Variants in FAM171A1 observed in about 807,000 individuals in gnomAD.
The protein encoded by FAM171A1 is protein FAM171A1.
FAM171A1 carries 23 observed loss-of-function variants against 74.9 expected under a neutral mutation model. The ratio of observed to expected loss-of-function variants is 0.31; its 90% CI spans 0.22 to 0.44. FAM171A1 has a LOEUF of 0.44. Ranked by LOEUF, FAM171A1 falls within the 20% of genes least tolerant of loss-of-function variation. The probability of loss-of-function intolerance (pLI) is 1.00; values close to 1 mark genes in which losing one functional copy is unlikely to be tolerated. For missense variants in FAM171A1, 1,162 were observed against 1,159.2 expected (o/e 1.00, Z -0.03); for synonymous variants, 527 against 505.7 (o/e 1.04, Z -0.57).
chr10:15,301,358 A>ATT (rs200419682), intron 1 of FAM171A1, among the ~76,000 whole-genome samples: 36 of 137,910 alleles, frequency 2.6e-4, no homozygotes, highest in Non-Finnish European at 4.7e-4. Flanking sequence ...ATATATATAT[A>ATT]TATATTTTTT....
chr10:15,269,532 G>C (rs1834794246), intron 3 of FAM171A1, among the ~76,000 whole-genome samples: 2 of 152,130 alleles, frequency 1.3e-5, no homozygotes, highest in Admixed American at 6.6e-5. Context: ...CCTTCTTTGT[G>C]AGCTTTTCTG....
At chr10:15,319,698 G>C (rs1426688594) in intron 1 of FAM171A1, among the ~76,000 whole-genome samples, 2 of 152,170 alleles carry the variant, frequency 1.3e-5, no homozygotes, top group Non-Finnish European at 2.9e-5. Context: ...CTCCCAAAGT[G>C]CTGGGATTAC....
intron 2 of FAM171A1, among the ~76,000 whole-genome samples, chr10:15,279,521 T>A (rs1834939444): frequency 1.4e-5 from 1 of 70,754 alleles, no homozygotes; most frequent in Non-Finnish European, 3.6e-5. Context: ...CCAAGTAGAT[T>A]TTTTTTTTTT....
intron 2 of FAM171A1, among the ~76,000 whole-genome samples, chr10:15,276,871 A>C (rs1226737738): frequency 6.6e-6 from 1 of 152,014 alleles, no homozygotes; most frequent in African/African-American, 2.4e-5. Flanking sequence ...TTTTTTGTAG[A>C]GACAGGGTCT....
chr10:15,219,709 G>C (rs554442793), intron 6 of FAM171A1, among the ~76,000 whole-genome samples: 2 of 152,330 alleles, frequency 1.3e-5, no homozygotes, highest in East Asian at 3.9e-4. Context: ...AGCCTCCCAA[G>C]TAGCTGGGAC....
At chr10:15,308,946 G>A (rs1039244721) in intron 1 of FAM171A1, among the ~76,000 whole-genome samples, 2 of 151,974 alleles carry the variant, frequency 1.3e-5, no homozygotes, top group Non-Finnish European at 2.9e-5. Flanking sequence ...GATTACAGAC[G>A]TGAGCCACTG....
At chr10:15,269,104 TTTTA>T (rs536998136) in intron 3 of FAM171A1, among the ~76,000 whole-genome samples, 11 of 151,902 alleles carry the variant, frequency 7.2e-5, no homozygotes, top group African/African-American at 2.4e-4. Context: ...GCCCATGATT[TTTTA>T]TTTATTTATT....
At chr10:15,293,697 G>A (rs764440230) in intron 1 of FAM171A1, among the ~76,000 whole-genome samples, 2 of 152,188 alleles carry the variant, frequency 1.3e-5, no homozygotes, top group Non-Finnish European at 2.9e-5. Flanking sequence ...GGTATGGTGT[G>A]AACACTGATA....
intron 3 of FAM171A1, among the ~76,000 whole-genome samples, chr10:15,272,453 A>G (rs1834838633): frequency 1.3e-5 from 2 of 152,218 alleles, no homozygotes; most frequent in African/African-American, 4.8e-5. Flanking sequence ...GGAGACTTTA[A>G]CACCCCACTG....
chr10:15,253,456 C>T (rs1834535757), intron 4 of FAM171A1, among the ~76,000 whole-genome samples: 1 of 152,058 alleles, frequency 6.6e-6, no homozygotes, highest in African/African-American at 2.4e-5. Flanking sequence ...TATTTACTGA[C>T]AAGTTAATCA....
intron 1 of FAM171A1, among the ~76,000 whole-genome samples, chr10:15,284,443 G>A (rs1835011353): frequency 6.6e-6 from 1 of 151,122 alleles, no homozygotes; most frequent in Non-Finnish European, 1.5e-5. Context: ...TGTGTGTTTT[G>A]AAACAGTCTC....
intron 1 of FAM171A1, among the ~76,000 whole-genome samples, chr10:15,370,234 ATTTT>A (rs1288902617): frequency 3.9e-5 from 5 of 127,714 alleles, no homozygotes; most frequent in Non-Finnish European, 6.5e-5. Context: ...TCTGGAAAGG[ATTTT>A]TCTTTTTTTT....
At chr10:15,360,314 A>G (rs1229544011) in intron 1 of FAM171A1, among the ~76,000 whole-genome samples, 1 of 152,214 alleles carries the variant, frequency 6.6e-6, no homozygotes, top group Non-Finnish European at 1.5e-5. Flanking sequence ...CTTCTGACCC[A>G]TGTAAATGGT....
intron 1 of FAM171A1, among the ~76,000 whole-genome samples, chr10:15,332,575 A>C (rs1010547961): frequency 1.3e-5 from 2 of 152,194 alleles, no homozygotes; most frequent in Admixed American, 1.3e-4. Flanking sequence ...GATAGAAATA[A>C]AAGGCCTTCA....
intron 5 of FAM171A1, among the ~76,000 whole-genome samples, chr10:15,244,531 G>T (rs187538278): frequency 4.3e-4 from 66 of 152,144 alleles, no homozygotes; most frequent in Non-Finnish European, 8.1e-4. Flanking sequence ...AAAAACAAAA[G>T]AAAACAAAAA....
chr10:15,322,846 C>T (rs1048248584), intron 1 of FAM171A1, among the ~76,000 whole-genome samples: 1 of 152,196 alleles, frequency 6.6e-6, no homozygotes, highest in Non-Finnish European at 1.5e-5. Context: ...ATAAAAAGTA[C>T]ACCTTTTTTT....
intron 4 of FAM171A1, among the ~76,000 whole-genome samples, chr10:15,251,904 T>C (rs7915524): frequency 0.22 from 34,061 of 152,120 alleles, 4,478 homozygotes; most frequent in Middle Eastern, 0.34. Context: ...CAGGATCGTG[T>C]TGCGGGGCAG....
chr10:15,342,542 T>C (rs1835776421), intron 1 of FAM171A1, among the ~76,000 whole-genome samples: 1 of 152,150 alleles, frequency 6.6e-6, no homozygotes, highest in African/African-American at 2.4e-5. Flanking sequence ...CACTCCAGCC[T>C]GGGCGACAGA....
At chr10:15,220,033 AT>A (rs1292305655) in intron 6 of FAM171A1, among the ~76,000 whole-genome samples, 1 of 152,224 alleles carries the variant, frequency 6.6e-6, no homozygotes, top group East Asian at 1.9e-4. Flanking sequence ...TCCAGTGATA[AT>A]TCCATTGCTA....
Sources: gnomAD v4.1 joint callset for allele counts (sites outside exome capture counted in the v4.1 genomes callset) on GRCh38, gnomAD v4.1.1 for gene constraint, MANE v1.5 for transcripts, NCBI Gene and HGNC (gene_info 2026-07-23, HGNC 2026-07-21) for gene names.